Variants in FAM107A observed in about 807,000 individuals in gnomAD.
The protein encoded by FAM107A is actin-associated protein FAM107A.
In FAM107A, 19 loss-of-function variants were observed where a neutral mutation model predicts 13.7. The ratio of observed to expected loss-of-function variants is 1.38; its 90% CI spans 0.97 to 2.03. The LOEUF is 2.03. Ranked by LOEUF, FAM107A falls within the 30% of genes most tolerant of loss-of-function variation. FAM107A has a pLI of 0.00. For synonymous variants in FAM107A, 82 were observed against 74.5 expected (o/e 1.10, Z -0.52); for missense variants, 203 against 184.4 (o/e 1.10, Z -0.58).
chr3:58,566,696 C>T lies in FAM107A; in HGVS notation c.328-1G>A, dbSNP rs547042065. The T allele has an allele frequency of 5.0e-6, 8 of 1,610,506 alleles. No homozygotes were observed. In the South Asian group the frequency reaches 8.8e-5, roughly 18 times the overall value. ...CTTCCTTCTCTGGTGGTTTTTCCAGCTGAAGGAGGGAGAAGCAGAGAGTGA... is the reference window on the plus strand; with the variant it reads ...CTTCCTTCTCTGGTGGTTTTTCCAGTTGAAGGAGGGAGAAGCAGAGAGTGA... On this transcript the variant is annotated splice_acceptor_variant, in intron 3 of 3. Coordinates refer to ENST00000360997, the MANE Select transcript of FAM107A (RefSeq NM_001076778.3). LOFTEE classifies it high-confidence loss of function.
intron 2 of FAM107A, among the ~76,000 whole-genome samples, chr3:58,567,733 A>G (rs1424133313): frequency 6.6e-6 from 1 of 152,202 alleles, no homozygotes; most frequent in African/African-American, 2.4e-5. Flanking sequence ...TGTGCCTGAG[A>G]AAGGTTATCC....
intron 1 of FAM107A, among the ~76,000 whole-genome samples, chr3:58,608,671 G>T (rs945548163): frequency 6.6e-6 from 1 of 152,146 alleles, no homozygotes; most frequent in Non-Finnish European, 1.5e-5. Context: ...ACTTGGCCTG[G>T]ATTCTCCTTC....
At chr3:58,583,638 T>C (rs2065571896) in intron 1 of FAM107A, among the ~76,000 whole-genome samples, 1 of 152,060 alleles carries the variant, frequency 6.6e-6, no homozygotes, top group Non-Finnish European at 1.5e-5. Context: ...AAAAAAATTA[T>C]TTTGAAATAC....
exon 1 of FAM107A, chr3:58,586,903 G>T (rs925044687): frequency 3.9e-6 from 6 of 1,532,542 alleles, no homozygotes; most frequent in Non-Finnish European, 5.2e-6. Flanking sequence ...GCATCGGAGG[G>T]CCCCCGGGCC....
intron 1 of FAM107A, among the ~76,000 whole-genome samples, chr3:58,585,683 G>A (rs994505287): frequency 2.0e-5 from 3 of 152,216 alleles, no homozygotes; most frequent in South Asian, 4.1e-4. Context: ...GTCCCTTGAC[G>A]CTTTGTAATC....
At chr3:58,623,984 G>A (rs1468413691) in intron 1 of FAM107A, among the ~76,000 whole-genome samples, 8 of 152,202 alleles carry the variant, frequency 5.3e-5, no homozygotes, top group East Asian at 1.9e-4. Flanking sequence ...TATCCTGGGC[G>A]AGGGCACTGG....
chr3:58,576,390 A>G (rs2063731024), intron 1 of FAM107A, among the ~76,000 whole-genome samples: 1 of 152,244 alleles, frequency 6.6e-6, no homozygotes, highest in Non-Finnish European at 1.5e-5. Context: ...AGCATTGTGC[A>G]GTTGATCTGG....
chr3:58,574,508 G>A (rs2108048544), intron 1 of FAM107A, among the ~76,000 whole-genome samples: 1 of 152,258 alleles, frequency 6.6e-6, no homozygotes, highest in East Asian at 1.9e-4. Context: ...TCTGATTAAG[G>A]TCACAGTTCT....
At chr3:58,611,218 C>G (rs532526738) in intron 1 of FAM107A, among the ~76,000 whole-genome samples, 7 of 152,314 alleles carry the variant, frequency 4.6e-5, no homozygotes, top group Admixed American at 4.6e-4. Flanking sequence ...TCTGGTATCT[C>G]TTCATAGCAG....
chr3:58,583,620 CAA>C (rs35261702), intron 1 of FAM107A, among the ~76,000 whole-genome samples: 3,050 of 147,144 alleles, frequency 0.021, 96 homozygotes, highest in African/African-American at 0.067. Flanking sequence ...AAAACTCTGT[CAA>C]AAAAAAAAAA....
At chr3:58,572,066 G>A (rs1036274586) in intron 1 of FAM107A, among the ~76,000 whole-genome samples, 1 of 152,198 alleles carries the variant, frequency 6.6e-6, no homozygotes, top group South Asian at 2.1e-4. Context: ...ATTTGAAACT[G>A]AGAGAGTTCA....
chr3:58,622,769 A>AG (rs2065968709), intron 1 of FAM107A, among the ~76,000 whole-genome samples: 2 of 151,904 alleles, frequency 1.3e-5, no homozygotes, highest in South Asian at 4.2e-4. Context: ...GCTGGGCAGG[A>AG]GGGGGGCTCT....
rs9683069 is a variant in FAM107A at position 58,571,118 on chromosome 3, G to C, written c.-5-1253C>G. ...CTGAAAGTGGCAAACAGCTTATTGG[G>C]GTCAGAAAATACAGAGAGGGGGGTT... is the stretch of plus-strand genomic sequence containing the variant. On this transcript the variant is annotated intron_variant, in intron 1 of 3. Transcript: ENST00000360997. 1.8e-3 allele frequency among the ~76,000 whole-genome samples: 267 copies of C among 152,290 alleles called. 1 individual carries two copies. Among genetic ancestry groups the C allele is most frequent in the African/African-American group, 6.2e-3 (259 of 41,572 alleles).
At chr3:58,626,890 G>T in intron 1 of FAM107A, 2 of 1,373,542 alleles carry the variant, frequency 1.5e-6, no homozygotes, top group Non-Finnish European at 2.0e-6. Context: ...CTGCAGGGTA[G>T]GTGGGTCGGG....
exon 1 of FAM107A, chr3:58,587,101 GC>G: frequency 7.3e-7 from 1 of 1,369,128 alleles, no homozygotes; most frequent in Non-Finnish European, 9.4e-7. Flanking sequence ...GCGAGGAGAC[GC>G]CGCCGGGGGA....
At chr3:58,591,722 A>G (rs745479842), upstream of FAM107A, among the ~76,000 whole-genome samples, 11 of 152,118 alleles carry the variant, frequency 7.2e-5, no homozygotes, top group South Asian at 2.1e-4. This position sits in a 1 kb window ranked among gnomAD's most constrained non-coding sequence, Gnocchi z 4.3. Flanking sequence ...GACTTCCCCT[A>G]TGTTAATACT....
intron 2 of FAM107A, among the ~76,000 whole-genome samples, chr3:58,567,703 T>G (rs542744685): frequency 3.9e-5 from 6 of 152,308 alleles, no homozygotes; most frequent in Middle Eastern, 3.4e-3. Flanking sequence ...TTAAAAAGAT[T>G]TGAGGTACAT....
At chr3:58,580,794 C>T (rs115920299), upstream of FAM107A, among the ~76,000 whole-genome samples, 493 of 152,100 alleles carry the variant, frequency 3.2e-3, no homozygotes, top group African/African-American at 0.011. Context: ...AAATTACAGG[C>T]CCTTCTCCTT....
At chr3:58,608,233 G>A (rs1029747548) in intron 1 of FAM107A, among the ~76,000 whole-genome samples, 1 of 152,146 alleles carries the variant, frequency 6.6e-6, no homozygotes, top group Non-Finnish European at 1.5e-5. Context: ...CAGAGTAGGT[G>A]CTCAATAAAT....
Sources: allele counts gnomAD v4.1 joint callset (sites outside exome capture counted in the v4.1 genomes callset), GRCh38; gene constraint gnomAD v4.1.1; non-coding constraint Gnocchi (gnomAD v3.1); transcripts MANE v1.5; gene names NCBI Gene and HGNC (gene_info 2026-07-23, HGNC 2026-07-21).